Variants in ELAPOR1 observed in about 807,000 individuals in gnomAD.
The protein encoded by ELAPOR1 is endosome/lysosome-associated apoptosis and autophagy regulator 1.
Under a neutral mutation model 119.7 loss-of-function variants are expected in ELAPOR1, and 77 were observed. The ratio of observed to expected loss-of-function variants is 0.64; its 90% CI spans 0.54 to 0.78. The LOEUF is 0.78. Ranked by LOEUF, ELAPOR1 falls within the 30% of genes least tolerant of loss-of-function variation. ELAPOR1 has a pLI of 0.00. For missense variants in ELAPOR1, 1,115 were observed against 1,270.4 expected, an observed-to-expected ratio of 0.88 and a Z score of 1.86; for synonymous variants, 481 against 487.2, an observed-to-expected ratio of 0.99 and a Z score of 0.17.
intron 1 of ELAPOR1, among the ~76,000 whole-genome samples, chr1:109,150,647 G>A (rs1650478012): frequency 6.6e-6 from 1 of 152,150 alleles, no homozygotes; most frequent in African/African-American, 2.4e-5. Context: ...TAACATTTTT[G>A]GTGTGTGAAA....
intron 1 of ELAPOR1, among the ~76,000 whole-genome samples, chr1:109,117,189 G>T (rs1367156116): frequency 6.6e-6 from 1 of 152,236 alleles, no homozygotes; most frequent in East Asian, 1.9e-4. Context: ...AAGTGGCAAA[G>T]TGGGAGTTCT....
chr1:109,200,708 T>C, intron 20 of ELAPOR1, 27 bp from the exon 21 acceptor site: 1 of 1,606,874 alleles, frequency 6.2e-7, no homozygotes. Flanking sequence ...TTTGGGATCT[T>C]GTCTTTCCCA....
rs188558647 is a variant in ELAPOR1, at chr1:109,138,782, C to T, written c.154-23112C>T. On this transcript the variant is annotated intron_variant, in intron 1 of 21. Coordinates refer to ENST00000369939, the MANE Select transcript of ELAPOR1 (RefSeq NM_020775.5). Reference sequence around the variant, plus strand: ...GATCTTCTCCTTGGTTGCGGTGAGCCGAGATCACGCCATTGCACTCTAGCC... The same window carrying T: ...GATCTTCTCCTTGGTTGCGGTGAGCTGAGATCACGCCATTGCACTCTAGCC... 4.1e-3 allele frequency among the ~76,000 whole-genome samples: 571 copies of T among 138,934 alleles called. 7 individuals are homozygous for T. The highest frequency in any genetic ancestry group is 6.8e-3 in the Non-Finnish European group (449 of 66,426). 91.1% of individuals were successfully genotyped at this position (138,934 alleles called of 152,430 possible).
intron 8 of ELAPOR1, chr1:109,187,781 A>G: frequency 2.4e-6 from 2 of 819,912 alleles, no homozygotes; most frequent in South Asian, 5.6e-5. Context: ...CCCGGGGGAC[A>G]TCTGAGCCAC....
rs1351740399 is a variant in ELAPOR1 at position 109,129,710 on chromosome 1, C to A, written c.153+15374C>A. On this transcript the variant is annotated intron_variant, in intron 1 of 21. Transcript: ENST00000369939. ...GCTTCATACCCCAGTTGGAGCTTCC[C>A]TCACTGTAAGACTCAGGCAAACTGC... is the stretch of plus-strand genomic sequence containing the variant. 3.3e-5 allele frequency among the ~76,000 whole-genome samples: 5 copies of A among 152,182 alleles called. No homozygotes were observed. In the East Asian group the frequency reaches 9.6e-4, roughly 29 times the overall value.
At position 109,119,666 on chromosome 1, in the gene ELAPOR1, C is replaced by T. The variant is rs960995270; in HGVS notation, c.153+5330C>T. 3.9e-5 allele frequency among the ~76,000 whole-genome samples: 6 copies of T among 152,152 alleles called. No homozygotes were observed. In the South Asian group the frequency reaches 6.2e-4, roughly 16 times the overall value. On this transcript the variant is annotated intron_variant, in intron 1 of 21. Coordinates refer to ENST00000369939, the MANE Select transcript of ELAPOR1 (RefSeq NM_020775.5). ...TATGTTACTATATTTTGTGCATTTT[C>T]GGTGTTGTAAAATACTCCTTTGGTG...
intron 21 of ELAPOR1, among the ~76,000 whole-genome samples, chr1:109,202,047 C>A (rs1007504356): frequency 2.0e-5 from 3 of 152,202 alleles, no homozygotes; most frequent in Non-Finnish European, 2.9e-5. Context: ...CTGCACTGAA[C>A]TATGATTGTG....
At position 109,185,108 on chromosome 1, in the gene ELAPOR1, A is replaced by C. The variant is rs755707009; in HGVS notation, c.1016A>C (p.His339Pro). 8 of 1,613,962 alleles carry C rather than the reference A, an allele frequency of 5.0e-6. No homozygotes were observed. Among genetic ancestry groups the C allele is most frequent in the Non-Finnish European group, 6.8e-6 (8 of 1,179,968 alleles). ...ACTDKDYFYT[H>P]TACDANGETQ... is the part of the protein sequence containing the mutation. ...ACAGACAAAGATTATTTCTACACACACACGGCCTGCGATGCCAACGGAGAG... is the reference window on the plus strand; with the variant it reads ...ACAGACAAAGATTATTTCTACACACCCACGGCCTGCGATGCCAACGGAGAG... The change falls in exon 8 of 22, where the codon CAC (histidine) becomes CCC (proline). Residue 339 changes from histidine (H) to proline (P), a missense_variant. Transcript: ENST00000369939.
intron 1 of ELAPOR1, among the ~76,000 whole-genome samples, chr1:109,117,903 G>A (rs573306713): frequency 6.6e-6 from 1 of 152,098 alleles, no homozygotes; most frequent in African/African-American, 2.4e-5. Context: ...GCCGAGGCAG[G>A]TGGATCACCT....
intron 15 of ELAPOR1, among the ~76,000 whole-genome samples, chr1:109,196,146 A>G (rs1453718692): frequency 6.6e-6 from 1 of 151,820 alleles, no homozygotes; most frequent in Non-Finnish European, 1.5e-5. Context: ...ACACAGCAAG[A>G]CTCCATCTAA....
At chr1:109,158,971 C>T (rs1285763657) in intron 1 of ELAPOR1, among the ~76,000 whole-genome samples, 1 of 150,772 alleles carries the variant, frequency 6.6e-6, no homozygotes, top group Non-Finnish European at 1.5e-5. Context: ...TGGCTCACAG[C>T]AACCTCTGCC....
chr1:109,172,148 CA>C, intron 4 of ELAPOR1, 135 bp downstream of exon 4: 1 of 1,127,872 alleles, frequency 8.9e-7, no homozygotes, highest in Non-Finnish European at 1.3e-6. Flanking sequence ...GAGCTGTGGG[CA>C]AAATGAGCTG....
At chr1:109,132,413 T>C (rs1649205451) in intron 1 of ELAPOR1, among the ~76,000 whole-genome samples, 1 of 152,186 alleles carries the variant, frequency 6.6e-6, no homozygotes, top group Non-Finnish European at 1.5e-5. Context: ...CCCAAAGTGC[T>C]GGGACTACAG....
At chr1:109,177,082 G>A (rs1480528088) in intron 7 of ELAPOR1, among the ~76,000 whole-genome samples, 1 of 145,122 alleles carries the variant, frequency 6.9e-6, no homozygotes, top group Non-Finnish European at 1.5e-5. Flanking sequence ...CCACAAAACC[G>A]CCATTGTCAT....
At position 109,204,947 on chromosome 1, in the gene ELAPOR1, C is replaced by A. The variant is rs985480924; in HGVS notation, c.*1935C>A. On this transcript the variant is annotated 3_prime_UTR_variant, in exon 22 of 22. Coordinates refer to ENST00000369939, the MANE Select transcript of ELAPOR1 (RefSeq NM_020775.5). Reference sequence around the variant, plus strand: ...GCTGGGATACTTCTCACTATTAAGCCCCTATCTTTCTCTTTTTTTCATTCT... The same window carrying A: ...GCTGGGATACTTCTCACTATTAAGCACCTATCTTTCTCTTTTTTTCATTCT... The A allele has an allele frequency of 6.6e-6, 1 of 152,168 alleles. No individual in the cohort carries two copies. Among genetic ancestry groups the A allele is most frequent in the African/African-American group, 2.4e-5 (1 of 41,440 alleles). 9.4% of individuals were successfully genotyped at this position (152,168 alleles called of 1,614,324 possible).
chr1:109,197,688 A>AGT (rs5776967), intron 16 of ELAPOR1, 34 bp downstream of exon 16: 24,548 of 1,361,380 alleles, frequency 0.018, 90 homozygotes, highest in Admixed American at 0.063. Flanking sequence ...CTTGTTTGAG[A>AGT]GTGTGTGTGT....
In ELAPOR1 at chr1:109,199,908, C is replaced by A. The variant is rs369462373; in HGVS notation, c.2556C>A (p.Ser852Arg). ...GCAACTTCCACTTCCTGTGGGAGAG[C>A]GCGGCTGCTTGCCCGCTCTGCTCAG... ...DGCNFHFLWE[S>R]AAACPLCSVA... Residue 852 changes from serine (S) to arginine (R), a missense_variant, in exon 19 of 22, where the codon AGC becomes AGA. By Grantham distance (110) the Ser-to-Arg change is moderately radical. Coordinates refer to ENST00000369939, the MANE Select transcript of ELAPOR1 (RefSeq NM_020775.5). The A allele has an allele frequency of 2.5e-6, 4 of 1,613,806 alleles. No homozygotes were observed. The highest frequency in any genetic ancestry group is 1.1e-5 in the South Asian group (1 of 91,080).
chr1:109,135,805 T>C (rs1649434513), intron 1 of ELAPOR1, among the ~76,000 whole-genome samples: 1 of 152,218 alleles, frequency 6.6e-6, no homozygotes, highest in Admixed American at 6.5e-5. Context: ...ATAGAGTTCA[T>C]TGATTCTACA....
intron 1 of ELAPOR1, among the ~76,000 whole-genome samples, chr1:109,150,549 G>A (rs577988121): frequency 1.3e-5 from 2 of 152,302 alleles, no homozygotes; most frequent in South Asian, 4.1e-4. Flanking sequence ...TACGTGGGAT[G>A]ACTAAAGTCA....
Sources: gnomAD v4.1 joint callset for allele counts (sites outside exome capture counted in the v4.1 genomes callset) on GRCh38, gnomAD v4.1.1 for gene constraint, MANE v1.5 for transcripts, NCBI Gene and HGNC (gene_info 2026-07-23, HGNC 2026-07-21) for gene names.